The following DIP2C variants were observed in gnomAD, a reference collection of about 807,000 sequenced individuals.
DIP2C encodes the protein disco-interacting protein 2 homolog C.
DIP2C carries 33 observed loss-of-function variants against 192.4 expected under a neutral mutation model. The ratio of observed to expected loss-of-function variants is 0.17; its 90% confidence interval spans 0.13 to 0.23. The LOEUF (loss-of-function observed/expected upper bound fraction) is 0.23, where lower values mean the gene tolerates loss of function less well. Among genes scored for constraint, DIP2C ranks in the 10% least tolerant of loss-of-function variants. The pLI, the probability that DIP2C is intolerant of heterozygous loss-of-function variation, is 1.00. For missense variants in DIP2C, 1,537 were observed against 2,110.1 expected, an observed-to-expected ratio of 0.73 and a Z score of 5.32; for synonymous variants, 979 against 864.1, an observed-to-expected ratio of 1.13 and a Z score of -2.33.
intron 1 of DIP2C, among the ~76,000 whole-genome samples, chr10:640,756 C>A (rs544849018): frequency 2.0e-5 from 3 of 149,076 alleles, no homozygotes; most frequent in African/African-American, 5.0e-5. Context: ...AGAGGGTGGG[C>A]GCCGGGAAGA....
At chr10:303,263 AGATT>A (rs1246561103) in intron 32 of DIP2C, among the ~76,000 whole-genome samples, 1 of 151,950 alleles carries the variant, frequency 6.6e-6, no homozygotes, top group African/African-American at 2.4e-5. Context: ...ATGAGGCTGT[AGATT>A]GATCAACACT....
chr10:511,030 G>A (rs1024999930), intron 1 of DIP2C, among the ~76,000 whole-genome samples: 1 of 152,150 alleles, frequency 6.6e-6, no homozygotes, highest in African/African-American at 2.4e-5. Flanking sequence ...TTGAAACATC[G>A]ACGTGCTTTG....
chr10:417,960 G>GTTCCTGT (rs1965854502), intron 6 of DIP2C, among the ~76,000 whole-genome samples: 3 of 100,544 alleles, frequency 3.0e-5, no homozygotes, highest in Non-Finnish European at 4.1e-5. Flanking sequence ...CTGTCCACCT[G>GTTCCTGT]CACCTGTCAG....
At chr10:293,101 T>G (rs1301638437) in intron 32 of DIP2C, among the ~76,000 whole-genome samples, 4 of 152,214 alleles carry the variant, frequency 2.6e-5, no homozygotes, top group Admixed American at 2.6e-4. Context: ...ACCAATGCCC[T>G]GGGGTGGGGC....
At chr10:472,799 G>A (rs1049665668) in intron 2 of DIP2C, among the ~76,000 whole-genome samples, 6 of 152,196 alleles carry the variant, frequency 3.9e-5, no homozygotes, top group African/African-American at 1.2e-4. Flanking sequence ...CTGACAGGCA[G>A]GGAGAGACAC....
chr10:340,569 T>C, intron 29 of DIP2C: 1 of 354,716 alleles, frequency 2.8e-6, no homozygotes, highest in Non-Finnish European at 5.6e-6. Flanking sequence ...TGATTGTTGA[T>C]GGCTTTATTT....
chr10:300,865 A>G (rs1188170509), intron 32 of DIP2C, among the ~76,000 whole-genome samples: 2 of 151,618 alleles, frequency 1.3e-5, no homozygotes, highest in Non-Finnish European at 2.9e-5. Context: ...GTGTGGAGAA[A>G]CCGGAACTCG....
At chr10:507,275 A>G (rs1311220552) in intron 1 of DIP2C, among the ~76,000 whole-genome samples, 1 of 151,008 alleles carries the variant, frequency 6.6e-6, no homozygotes, top group Non-Finnish European at 1.5e-5. Context: ...GTGTCCAATC[A>G]GAGACGTATG....
rs568656641 is a variant in DIP2C at position 275,284 on chromosome 10, T to G, written c.*2041A>C. 4.2e-4 allele frequency: 64 copies of G among 152,118 alleles called. No individual in the cohort carries two copies. The highest frequency in any genetic ancestry group is 1.5e-3 in the African/African-American group (63 of 41,476). The allele number at this position is 152,118 out of a possible 1,614,324, so 9.4% of individuals were successfully genotyped here. The stretch of plus-strand genomic sequence containing the variant: ...AACAAGGTGGGTGGGTGTAGGAAAA[T>G]GTCTTTTTTCCCCCCAATGTGTGGT... On this transcript the variant is annotated 3_prime_UTR_variant, in exon 37 of 37. Coordinates refer to ENST00000280886, the MANE Select transcript of DIP2C (RefSeq NM_014974.3).
chr10:551,827 C>T (rs1220646653), intron 1 of DIP2C, among the ~76,000 whole-genome samples: 2 of 152,208 alleles, frequency 1.3e-5, no homozygotes, highest in African/African-American at 4.8e-5. Context: ...CGGGCCACTG[C>T]ACCTTTGAAA....
intron 2 of DIP2C, among the ~76,000 whole-genome samples, chr10:477,927 G>A (rs370254973): frequency 4.3e-4 from 46 of 107,916 alleles, no homozygotes; most frequent in African/African-American, 1.7e-3. Flanking sequence ...CAGGAAAAGA[G>A]AGGGAAAGAA....
intron 1 of DIP2C, among the ~76,000 whole-genome samples, chr10:551,565 C>A (rs1302593759): frequency 6.6e-6 from 1 of 152,242 alleles, no homozygotes; most frequent in Non-Finnish European, 1.5e-5. Context: ...TTCCCTCCTG[C>A]CAGGCTGGCT....
chr10:456,928 C>T (rs1969350383), intron 3 of DIP2C, among the ~76,000 whole-genome samples: 2 of 152,236 alleles, frequency 1.3e-5, no homozygotes, highest in South Asian at 4.1e-4. Flanking sequence ...GGACTGGATT[C>T]TCTGACCTGC....
At chr10:389,644 G>A (rs1042159525) in intron 13 of DIP2C, among the ~76,000 whole-genome samples, 4 of 152,214 alleles carry the variant, frequency 2.6e-5, no homozygotes, top group Admixed American at 1.3e-4. Flanking sequence ...CTTTCAGGAG[G>A]TCCTTTGCAT....
intron 7 of DIP2C, among the ~76,000 whole-genome samples, 154 bp downstream of exon 7, chr10:415,615 G>A (rs977174180): frequency 3.9e-5 from 6 of 152,076 alleles, no homozygotes; most frequent in African/African-American, 1.4e-4. Flanking sequence ...AGGCTGCCTG[G>A]GAACATCACC....
intron 32 of DIP2C, 25 bp downstream of exon 32, chr10:310,006 G>A (rs1250220746): frequency 9.3e-6 from 15 of 1,609,608 alleles, no homozygotes; most frequent in Non-Finnish European, 1.3e-5. Flanking sequence ...AGGAAAAAAA[G>A]AAAAAACCCA....
intron 6 of DIP2C, 55 bp from the exon 7 acceptor site, chr10:415,943 AC>A (rs985408513): frequency 1.2e-6 from 2 of 1,609,408 alleles, no homozygotes; most frequent in African/African-American, 2.7e-5. Flanking sequence ...TTCAATGAGC[AC>A]CCACAGTCCC....
chr10:357,822 T>A lies in DIP2C; in HGVS notation c.2904+6A>T, dbSNP rs1481204517. 3 of 1,609,656 alleles carry A rather than the reference T, an allele frequency of 1.9e-6. No homozygotes were observed. The highest frequency in any genetic ancestry group is 4.5e-5 in the East Asian group (2 of 44,850). On this transcript the variant is annotated splice_donor_region_variant and intron_variant, in intron 23 of 36. Coordinates refer to ENST00000280886, the MANE Select transcript of DIP2C (RefSeq NM_014974.3). ...GGTCGGGGAGACTCAGGGACCCAGC[T>A]CCTACCTTGCGTGCCTGGTCGTTAT...
intron 10 of DIP2C, 56 bp from the exon 11 acceptor site, chr10:390,919 C>T: frequency 6.3e-7 from 1 of 1,595,668 alleles, no homozygotes. Flanking sequence ...CTCCGCCCAG[C>T]CTTCGGCCCT....
Sources: gnomAD v4.1 joint callset for allele counts (sites outside exome capture counted in the v4.1 genomes callset) on GRCh38, gnomAD v4.1.1 for gene constraint, MANE v1.5 for transcripts, NCBI Gene and HGNC (gene_info 2026-07-23, HGNC 2026-07-21) for gene names.